PHACTR1: variants seen among roughly 807,000 people sequenced by gnomAD.
PHACTR1 encodes RPEL repeat containing 1.
In PHACTR1, 16 loss-of-function variants were observed where a neutral mutation model predicts 69.2. That is an observed-to-expected ratio of 0.23 (90% CI 0.16 to 0.35). The LOEUF (loss-of-function observed/expected upper bound fraction) is 0.35, where lower values mean the gene tolerates loss of function less well. PHACTR1 is among the 10% of genes least tolerant of loss of function. The pLI, the probability that PHACTR1 is intolerant of heterozygous loss-of-function variation, is 1.00. For synonymous variants in PHACTR1, 312 were observed against 284.5 expected, an observed-to-expected ratio of 1.10 and a Z score of -0.97; for missense variants, 510 against 734.7, an observed-to-expected ratio of 0.69 and a Z score of 3.54.
intron 5 of PHACTR1, among the ~76,000 whole-genome samples, chr6:13,081,312 C>T (rs1051169963): frequency 1.3e-5 from 2 of 152,124 alleles, no homozygotes; most frequent in African/African-American, 4.8e-5. Context: ...CTCTGAGGCT[C>T]CTGACAACCC....
intron 4 of PHACTR1, among the ~76,000 whole-genome samples, chr6:12,815,749 T>G (rs1319728733): frequency 1.3e-5 from 2 of 152,210 alleles, no homozygotes; most frequent in Admixed American, 1.3e-4. Flanking sequence ...GTATAAACCC[T>G]TTGTCCTTTT....
intron 5 of PHACTR1, among the ~76,000 whole-genome samples, chr6:13,117,324 T>C (rs1271113614): frequency 1.3e-5 from 2 of 152,242 alleles, no homozygotes; most frequent in South Asian, 2.1e-4. Context: ...TTAGTTGATA[T>C]CCTTTTCATT....
At chr6:13,280,482 T>G (rs994583572) in intron 12 of PHACTR1, 1 of 163,258 alleles carries the variant, frequency 6.1e-6, no homozygotes, top group Non-Finnish European at 1.4e-5. Context: ...CCTGGCCCTG[T>G]GAAGGTTCTT....
chr6:13,074,360 G>A (rs1251635022), intron 5 of PHACTR1, among the ~76,000 whole-genome samples: 7 of 152,276 alleles, frequency 4.6e-5, no homozygotes, highest in East Asian at 3.9e-4. Flanking sequence ...AATCGATAAC[G>A]ACACTCTGTC....
At chr6:13,219,104 C>G (rs1768195979) in intron 8 of PHACTR1, among the ~76,000 whole-genome samples, 2 of 152,062 alleles carry the variant, frequency 1.3e-5, no homozygotes, top group African/African-American at 4.8e-5. Flanking sequence ...CCTAAGGCAT[C>G]CTGTAGATGT....
At chr6:13,233,160 C>G (rs1166899792) in intron 10 of PHACTR1, among the ~76,000 whole-genome samples, 1 of 152,304 alleles carries the variant, frequency 6.6e-6, no homozygotes, top group East Asian at 1.9e-4. Context: ...GGGAGACAAT[C>G]CCAGCCTCTC....
At position 12,932,973 on chromosome 6, in the gene PHACTR1, T is replaced by A. The variant is rs1405550604; in HGVS notation, c.251-120392T>A. Among the ~76,000 whole-genome samples, 7 of 149,700 alleles carry A rather than the reference T, an allele frequency of 4.7e-5. No individual in the cohort carries two copies. The East Asian group carries it at 1.4e-3, about 30-fold the overall frequency. On this transcript the variant is annotated intron_variant, in intron 4 of 14. Transcript: ENST00000332995. ...TTTTTTGAGATTGAGTCTCACTCTGTCATGTAAGTTGGAGTGCAGTGGCAC... is the reference window on the plus strand; with the variant it reads ...TTTTTTGAGATTGAGTCTCACTCTGACATGTAAGTTGGAGTGCAGTGGCAC...
chr6:12,741,358 C>A (rs541012038), intron 3 of PHACTR1, among the ~76,000 whole-genome samples: 33 of 151,776 alleles, frequency 2.2e-4, no homozygotes, highest in Non-Finnish European at 4.0e-4. Context: ...TTATTATTAA[C>A]CTTTAATAAT....
rs199932807 is a variant in PHACTR1, at chr6:13,049,941, GACTT to G, written c.251-3423_251-3420del. Among the ~76,000 whole-genome samples the G allele has an allele frequency of 8.5e-3, 1,296 of 152,298 alleles. 50 individuals carry two copies. The South Asian group carries it at 0.13, about 15-fold the overall frequency. On this transcript the variant is annotated intron_variant, in intron 4 of 14. Coordinates refer to ENST00000332995, the MANE Select transcript of PHACTR1 (RefSeq NM_030948.6). ...GTAAGTCTGGGAATATAGGTTTGGA[GACTT>G]GTAAAATGTGGACAAAAGCAACAAG...
chr6:13,286,305 ACAT>A, intron 14 of PHACTR1, 83 bp downstream of exon 14: 6 of 1,192,956 alleles, frequency 5.0e-6, no homozygotes, highest in Non-Finnish European at 4.7e-6. Flanking sequence ...CACTTGTGGG[ACAT>A]GAGTGGGTTG....
intron 8 of PHACTR1, among the ~76,000 whole-genome samples, chr6:13,219,072 A>G (rs1376748483): frequency 6.6e-6 from 1 of 152,158 alleles, no homozygotes; most frequent in Non-Finnish European, 1.5e-5. Flanking sequence ...GACCAAGGGA[A>G]TAGAGTACAG....
intron 5 of PHACTR1, among the ~76,000 whole-genome samples, chr6:13,066,412 G>A (rs1025013819): frequency 1.4e-4 from 22 of 152,168 alleles, no homozygotes; most frequent in African/African-American, 4.6e-4. Context: ...TTATGGATGC[G>A]TAAGATGGAA....
chr6:12,758,078 C>T (rs1027790955), intron 4 of PHACTR1, among the ~76,000 whole-genome samples: 1 of 151,692 alleles, frequency 6.6e-6, no homozygotes, highest in African/African-American at 2.4e-5. Context: ...AGCCACTGCA[C>T]TCCAGCCTGG....
At chr6:13,190,196 G>GTTTTTTTTTTTTTTT (rs1220683843) in intron 7 of PHACTR1, among the ~76,000 whole-genome samples, 23 of 31,832 alleles carry the variant, frequency 7.2e-4, no homozygotes, top group South Asian at 1.2e-3. Flanking sequence ...GCTAATTTTT[G>GTTTTTTTTTTTTTTT]TATTTTTTTT....
chr6:13,025,111 C>T (rs1268843174), intron 4 of PHACTR1, among the ~76,000 whole-genome samples: 7 of 151,980 alleles, frequency 4.6e-5, no homozygotes, highest in African/African-American at 9.6e-5. Flanking sequence ...AAAAATTAGC[C>T]GGGCATGGTG....
chr6:12,842,299 G>A (rs4711842), intron 4 of PHACTR1, among the ~76,000 whole-genome samples: 28,190 of 151,946 alleles, frequency 0.19, 2,784 homozygotes, highest in African/African-American at 0.25. Flanking sequence ...TCTCAGTGTG[G>A]CACACTACAT....
chr6:12,718,724 T>C lies in PHACTR1; in HGVS notation c.-21T>C, dbSNP rs780763044. ...GTGTTCCAGTGTTTTCTCTCAAAAC[T>C]CTGTGTTTGGAACATCAAGGATGGA... On this transcript the variant is annotated 5_prime_UTR_variant, in exon 3 of 15. Coordinates refer to ENST00000332995, the MANE Select transcript of PHACTR1 (RefSeq NM_030948.6). The C allele has an allele frequency of 1.4e-5, 19 of 1,384,604 alleles. No homozygotes were observed. In the African/African-American group the frequency reaches 1.7e-4, roughly 13 times the overall value. The allele number at this position is 1,384,604 out of a possible 1,614,324, so 85.8% of individuals were successfully genotyped here. A position where few individuals can be genotyped will look rare whatever the true frequency, so the allele number is the denominator to read the frequency against.
intron 4 of PHACTR1, among the ~76,000 whole-genome samples, chr6:12,910,414 T>C (rs566754737): frequency 6.6e-6 from 1 of 152,332 alleles, no homozygotes; most frequent in South Asian, 2.1e-4. Context: ...ATTGGCAGAC[T>C]CATGCACTAA....
intron 5 of PHACTR1, among the ~76,000 whole-genome samples, chr6:13,093,321 A>C (rs1813592183): frequency 6.6e-6 from 1 of 152,240 alleles, no homozygotes; most frequent in Non-Finnish European, 1.5e-5. Context: ...CAACTTAAAA[A>C]TATGTTAGCA....
Sources: gnomAD v4.1 joint callset for allele counts (sites outside exome capture counted in the v4.1 genomes callset) on GRCh38, gnomAD v4.1.1 for gene constraint, MANE v1.5 for transcripts, NCBI Gene and HGNC (gene_info 2026-07-23, HGNC 2026-07-21) for gene names.